Variants in TSHZ2 observed in about 807,000 individuals in gnomAD.
The protein encoded by TSHZ2 is teashirt homolog 2.
Under a neutral mutation model 74.4 loss-of-function variants are expected in TSHZ2, and 21 were observed. That is an observed-to-expected ratio of 0.28 (90% CI 0.20 to 0.41). The LOEUF (loss-of-function observed/expected upper bound fraction) is 0.41, where lower values mean the gene tolerates loss of function less well. TSHZ2 is among the 10% of genes least tolerant of loss of function. The pLI is 1.00. For synonymous variants in TSHZ2, 540 were observed against 515.3 expected (o/e 1.05, Z -0.65); for missense variants, 1,244 against 1,293.5 (o/e 0.96, Z 0.59).
chr20:53,162,374 T>C (rs1419341741), intron 1 of TSHZ2, among the ~76,000 whole-genome samples: 1 of 152,214 alleles, frequency 6.6e-6, no homozygotes, highest in Non-Finnish European at 1.5e-5. Flanking sequence ...AGGAATGTTC[T>C]TTGGACAAAA....
chr20:53,055,940 A>C (rs1235946415), intron 1 of TSHZ2, among the ~76,000 whole-genome samples: 3 of 152,230 alleles, frequency 2.0e-5, no homozygotes, highest in Non-Finnish European at 4.4e-5. Flanking sequence ...TGTGAGTCCC[A>C]AACTATTTAC....
chr20:53,360,983 C>T (rs1055150552), intron 2 of TSHZ2, among the ~76,000 whole-genome samples: 9 of 152,164 alleles, frequency 5.9e-5, no homozygotes, highest in African/African-American at 1.9e-4. Flanking sequence ...GGGGCTAGTT[C>T]GGGCTTTTCT....
At chr20:53,179,802 C>A (rs997758329) in intron 1 of TSHZ2, among the ~76,000 whole-genome samples, 3 of 152,018 alleles carry the variant, frequency 2.0e-5, no homozygotes, top group African/African-American at 4.8e-5. Context: ...GTGCTGGGGG[C>A]CAGAGAAGAT....
At position 53,157,441 on chromosome 20, in the gene TSHZ2, C is replaced by G. The variant is rs143254273; in HGVS notation, c.41-96058C>G. ...TTTTTTTTAGAGACAGGATCTTGCT[C>G]TGTTGTCCAGGCTGGAGTGCAGTGG... On this transcript the variant is annotated intron_variant, in intron 1 of 2. Transcript: ENST00000371497. 3.9e-3 allele frequency among the ~76,000 whole-genome samples: 555 copies of G among 140,786 alleles called. 2 individuals carry two copies. Among genetic ancestry groups the G allele is most frequent in the African/African-American group, 0.014 (528 of 36,994 alleles). The allele number at this position is 140,786 out of a possible 152,430, so 92.4% of individuals were successfully genotyped here.
intron 2 of TSHZ2, among the ~76,000 whole-genome samples, chr20:53,378,213 G>A (rs569128450): frequency 5.9e-5 from 9 of 151,954 alleles, no homozygotes; most frequent in Admixed American, 1.3e-4. Flanking sequence ...AGTGGTATGC[G>A]CCTGTAATCC....
intron 2 of TSHZ2, among the ~76,000 whole-genome samples, chr20:53,303,075 G>A (rs923842822): frequency 1.3e-5 from 2 of 152,114 alleles, no homozygotes; most frequent in African/African-American, 2.4e-5. Context: ...CAGATGTAGC[G>A]CTGCATTTTG....
intron 1 of TSHZ2, among the ~76,000 whole-genome samples, chr20:53,146,251 G>A (rs745764626): frequency 1.3e-5 from 2 of 152,104 alleles, no homozygotes; most frequent in African/African-American, 2.4e-5. Context: ...GGCAGGGGGC[G>A]GATGAGTCAA....
intron 1 of TSHZ2, among the ~76,000 whole-genome samples, chr20:53,071,860 A>C (rs1464799613): frequency 6.6e-6 from 1 of 152,186 alleles, no homozygotes; most frequent in Non-Finnish European, 1.5e-5. Context: ...TATTGGAGAC[A>C]CTGAGGGCTT....
intron 2 of TSHZ2, among the ~76,000 whole-genome samples, chr20:53,383,739 GA>G (rs1333482718): frequency 6.6e-6 from 1 of 152,120 alleles, no homozygotes; most frequent in Admixed American, 6.5e-5. Context: ...CCAGCCTGGT[GA>G]CAGAGTGAGA....
chr20:53,001,158 G>T (rs528145025), intron 1 of TSHZ2, among the ~76,000 whole-genome samples: 1 of 151,130 alleles, frequency 6.6e-6, no homozygotes, highest in Admixed American at 6.6e-5. Context: ...ACCCCAGAGA[G>T]ACCCGGTCTG....
chr20:53,446,572 C>G (rs538232672), intron 2 of TSHZ2, among the ~76,000 whole-genome samples: 1 of 104,790 alleles, frequency 9.5e-6, no homozygotes, highest in African/African-American at 4.8e-5. Flanking sequence ...GAGCGAGACT[C>G]TGTCGCAAAA....
At chr20:53,025,686 AAAAAG>A (rs1196129415) in intron 1 of TSHZ2, among the ~76,000 whole-genome samples, 1 of 152,234 alleles carries the variant, frequency 6.6e-6, no homozygotes, top group Admixed American at 6.5e-5. Flanking sequence ...TTTCTTACCT[AAAAAG>A]AAAACACAAA....
At chr20:53,450,839 A>G (rs976253839) in intron 2 of TSHZ2, among the ~76,000 whole-genome samples, 3 of 152,156 alleles carry the variant, frequency 2.0e-5, no homozygotes, top group African/African-American at 7.2e-5. Context: ...TTTTCTTTCT[A>G]GTACCTATGC....
At chr20:53,166,198 G>A (rs1470326547) in intron 1 of TSHZ2, among the ~76,000 whole-genome samples, 1 of 152,096 alleles carries the variant, frequency 6.6e-6, no homozygotes, top group African/African-American at 2.4e-5. Flanking sequence ...TTTCTCAGGA[G>A]GTATTGGGGC....
intron 1 of TSHZ2, among the ~76,000 whole-genome samples, chr20:53,139,738 C>T (rs1327386781): frequency 2.0e-5 from 3 of 152,130 alleles, no homozygotes; most frequent in Non-Finnish European, 4.4e-5. Flanking sequence ...ATAATAAATG[C>T]TATGTGCAAA....
intron 2 of TSHZ2, among the ~76,000 whole-genome samples, chr20:53,468,200 AGAT>A (rs1985618749): frequency 6.6e-6 from 1 of 152,136 alleles, no homozygotes; most frequent in African/African-American, 2.4e-5. Context: ...ATTTTTATTT[AGAT>A]TGACATACCT....
chr20:53,452,326 G>A (rs764123667), intron 2 of TSHZ2, among the ~76,000 whole-genome samples: 26 of 152,182 alleles, frequency 1.7e-4, no homozygotes, highest in Non-Finnish European at 2.8e-4. Context: ...CAGGCCAAGC[G>A]TGGTGGCTCA....
At chr20:53,469,344 G>T (rs1985683409) in intron 2 of TSHZ2, among the ~76,000 whole-genome samples, 1 of 151,680 alleles carries the variant, frequency 6.6e-6, no homozygotes, top group African/African-American at 2.4e-5. Flanking sequence ...AGAAGTTCAA[G>T]ACCAGCCTGG....
At chr20:53,249,280 C>G (rs1990271003) in intron 1 of TSHZ2, among the ~76,000 whole-genome samples, 2 of 152,340 alleles carry the variant, frequency 1.3e-5, no homozygotes, top group South Asian at 2.1e-4. Flanking sequence ...AAGTTTGCAG[C>G]TGGAATAATC....
Sources: allele counts gnomAD v4.1 joint callset (sites outside exome capture counted in the v4.1 genomes callset), GRCh38; gene constraint gnomAD v4.1.1; transcripts MANE v1.5; gene names NCBI Gene and HGNC (gene_info 2026-07-23, HGNC 2026-07-21).